Variants in ACTN4 observed in about 807,000 individuals in gnomAD.
ACTN4 encodes actinin alpha 4.
A neutral mutation model predicts 114.2 loss-of-function variants in ACTN4; 18 were observed. The ratio of observed to expected loss-of-function variants is 0.16; its 90% confidence interval spans 0.11 to 0.23. The LOEUF (loss-of-function observed/expected upper bound fraction) is 0.23, where lower values mean the gene tolerates loss of function less well. ACTN4 is among the 10% of genes least tolerant of loss of function. The pLI is 1.00. For missense variants in ACTN4, 722 were observed against 1,262.9 expected, an observed-to-expected ratio of 0.57 and a Z score of 6.49; for synonymous variants, 515 against 506.3, an observed-to-expected ratio of 1.02 and a Z score of -0.23.
chr19:38,695,369 C>T (rs1443252919), intron 1 of ACTN4, among the ~76,000 whole-genome samples: 2 of 152,246 alleles, frequency 1.3e-5, no homozygotes, highest in East Asian at 1.9e-4. Context: ...CAGGAGAGCT[C>T]GATGCTTTTT....
At chr19:38,708,646 C>T (rs991125637) in intron 6 of ACTN4, among the ~76,000 whole-genome samples, 4 of 152,204 alleles carry the variant, frequency 2.6e-5, no homozygotes, top group South Asian at 2.1e-4. Flanking sequence ...CTGCCAGCCT[C>T]GTGGGGGAAG....
In ACTN4 at chr19:38,717,832, A is replaced by T; in HGVS notation, c.1144-95A>T. Reference sequence around the variant, plus strand: ...CATGACACAGACATGACCCCAGCCAAGTTCTGCCACCTTCCCATCAGCATC... The same window carrying T: ...CATGACACAGACATGACCCCAGCCATGTTCTGCCACCTTCCCATCAGCATC... On this transcript the variant is annotated intron_variant, in intron 10 of 20. Transcript: ENST00000252699. The surrounding 1 kb of genome is among the most constrained non-coding windows in gnomAD (Gnocchi z 4.0). 1.3e-6 allele frequency: 2 copies of T among 1,515,766 alleles called. No individual in the cohort carries two copies. The allele number at this position is 1,515,766 out of a possible 1,614,324, so 93.9% of individuals were successfully genotyped here. A position where few individuals can be genotyped will look rare whatever the true frequency, so the allele number is the denominator to read the frequency against.
intron 1 of ACTN4, among the ~76,000 whole-genome samples, chr19:38,675,992 G>C (rs1468656598): frequency 6.6e-6 from 1 of 152,204 alleles, no homozygotes; most frequent in Non-Finnish European, 1.5e-5. Context: ...GTGGGACCTT[G>C]GGCAAGGAAG....
intron 5 of ACTN4, among the ~76,000 whole-genome samples, chr19:38,706,365 G>A (rs779779723): frequency 2.6e-5 from 4 of 152,150 alleles, no homozygotes; most frequent in African/African-American, 7.2e-5. Context: ...CCCTCTCGCC[G>A]GCCTAATAGA....
chr19:38,658,929 G>A (rs1249196857), intron 1 of ACTN4, among the ~76,000 whole-genome samples: 13 of 151,968 alleles, frequency 8.6e-5, no homozygotes, highest in Non-Finnish European at 1.8e-4. Context: ...CAAGAATGTC[G>A]GCTATAATCA....
At chr19:38,658,923 A>G (rs116229604) in intron 1 of ACTN4, among the ~76,000 whole-genome samples, 2,141 of 152,092 alleles carry the variant, frequency 0.014, 58 homozygotes, top group African/African-American at 0.047. Context: ...CTTTTTCAAG[A>G]ATGTCGGCTA....
chr19:38,664,187 A>G (rs575019126), intron 1 of ACTN4, among the ~76,000 whole-genome samples: 150 of 152,258 alleles, frequency 9.9e-4, no homozygotes, highest in Non-Finnish European at 9.8e-4. Flanking sequence ...CTGCCTGCCA[A>G]GCTACGCTTC....
chr19:38,685,580 G>T (rs1042126079), intron 1 of ACTN4, among the ~76,000 whole-genome samples: 24 of 152,244 alleles, frequency 1.6e-4, no homozygotes, highest in African/African-American at 4.8e-4. Flanking sequence ...AATCCTCTCA[G>T]TGCTCCAAAC....
intron 1 of ACTN4, among the ~76,000 whole-genome samples, chr19:38,660,953 C>T (rs1976866449): frequency 6.6e-6 from 1 of 152,142 alleles, no homozygotes; most frequent in African/African-American, 2.4e-5. Flanking sequence ...AAAGAGGTGG[C>T]ATTTCAGCTG....
At chr19:38,705,995 T>C in intron 4 of ACTN4, 49 bp from the exon 5 acceptor site, 1 of 1,601,302 alleles carries the variant, frequency 6.2e-7, no homozygotes, top group Non-Finnish European at 8.6e-7. Flanking sequence ...GGCTGAGTTC[T>C]GAGGGTTTAT....
chr19:38,673,688 A>ATT (rs1431777701), intron 1 of ACTN4, among the ~76,000 whole-genome samples: 1 of 86,494 alleles, frequency 1.2e-5, no homozygotes, highest in South Asian at 3.2e-4. Context: ...ATATTTATAT[A>ATT]TATTATATAT....
At chr19:38,660,732 T>C (rs1787841469) in intron 1 of ACTN4, among the ~76,000 whole-genome samples, 1 of 152,192 alleles carries the variant, frequency 6.6e-6, no homozygotes, top group Non-Finnish European at 1.5e-5. Context: ...AAGCAGGTGT[T>C]GTTACCCTTA....
intron 1 of ACTN4, among the ~76,000 whole-genome samples, chr19:38,680,507 CTGAA>C (rs1967530508): frequency 6.6e-6 from 1 of 151,936 alleles, no homozygotes; most frequent in Non-Finnish European, 1.5e-5. Flanking sequence ...GAATGAGTGA[CTGAA>C]TGAATGCCCA....
intron 8 of ACTN4, chr19:38,711,250 C>G (rs191351899): frequency 1.9e-3 from 1,910 of 986,990 alleles, no homozygotes; most frequent in Admixed American, 3.8e-3. Flanking sequence ...CTGCCTCTCT[C>G]TCTCTTTCTC....
Position 38,723,928 on chromosome 19 carries a change from A to G in ACTN4, c.1552-9A>G. The G allele has an allele frequency of 6.4e-7, 1 of 1,554,366 alleles. No homozygotes were observed. On this transcript the variant is annotated splice_polypyrimidine_tract_variant and intron_variant, in intron 13 of 20. Transcript: ENST00000252699. ...CTCTGTCCCTGCCCCCTTCCCTCCC[A>G]CACACTAGAAAACAGAGAAGCAGCT...
intron 1 of ACTN4, among the ~76,000 whole-genome samples, chr19:38,654,479 T>G (rs2017191): frequency 0.014 from 2,117 of 146,192 alleles, 55 homozygotes; most frequent in African/African-American, 0.049. Context: ...GGATAATCAC[T>G]CAAACCTGGA....
chr19:38,703,657 T>C (rs1038678279), intron 3 of ACTN4, among the ~76,000 whole-genome samples: 1 of 152,172 alleles, frequency 6.6e-6, no homozygotes, highest in African/African-American at 2.4e-5. Context: ...TTCCAGGCAC[T>C]GGATCCAGTG....
Position 38,731,193 on chromosome 19 carries a change from G to A in ACTN4, c.*1761G>A, listed in dbSNP as rs1568762723. 1 of 1,612,894 alleles carries A rather than the reference G, an allele frequency of 6.2e-7. No homozygotes were observed. Among genetic ancestry groups the A allele is most frequent in the Non-Finnish European group, 8.5e-7 (1 of 1,180,026 alleles). ...GCTATCCCGGTAGCGGCTGGTGAGG[G>A]TCTGGGTCAGCTGGTTGTTCAGGTG... On this transcript the variant is annotated 3_prime_UTR_variant, in exon 21 of 21. Transcript: ENST00000252699.
At chr19:38,728,928 C>T (rs1173932733) in intron 19 of ACTN4, 68 bp from the exon 20 acceptor site, 10 of 1,589,248 alleles carry the variant, frequency 6.3e-6, no homozygotes, top group Non-Finnish European at 8.6e-6. Flanking sequence ...GAGACCCCAC[C>T]AGTGTGGGCC....
Sources: gnomAD v4.1 joint callset for allele counts (sites outside exome capture counted in the v4.1 genomes callset) on GRCh38, gnomAD v4.1.1 for gene constraint, Gnocchi (gnomAD v3.1) non-coding constraint, MANE v1.5 for transcripts, NCBI Gene and HGNC (gene_info 2026-07-23, HGNC 2026-07-21) for gene names.